The following SYTL1 variants were observed in gnomAD, a reference collection of about 807,000 sequenced individuals.
SYTL1 encodes the protein synaptotagmin-like protein 1.
Under a neutral mutation model 74.6 loss-of-function variants are expected in SYTL1, and 53 were observed. The observed-to-expected ratio is 0.71, with a 90% CI of 0.57 to 0.89. SYTL1 has a LOEUF of 0.89. Among genes scored for constraint, SYTL1 ranks in the 40% least tolerant of loss-of-function variants. The pLI is 0.00. For missense variants in SYTL1, 728 were observed against 768.7 expected (o/e 0.95, Z 0.63); for synonymous variants, 329 against 324.9 (o/e 1.01, Z -0.14).
At position 27,350,033 on chromosome 1, in the gene SYTL1, T is replaced by C. The variant is rs2148035222; in HGVS notation, c.809T>C (p.Val270Ala). ...GAGGCGGTGCAGGTCCGCGGCTCCG[T>C]GCACTTCGCGCTGCACTACGAGCCG... is the stretch of plus-strand genomic sequence containing the variant. ...DAEAVQVRGS[V>A]HFALHYEPGA... The change falls in exon 9 of 15, where the codon GTG becomes GCG. Residue 270 changes from valine to alanine, a missense_variant. Val to Ala is a moderately conservative substitution (Grantham distance 64). Transcript: ENST00000616558. The surrounding 1 kb of genome is among the most constrained non-coding windows in gnomAD (Gnocchi z 6.3). 1 of 1,544,818 alleles carries C rather than the reference T, an allele frequency of 6.5e-7. No individual in the cohort carries two copies. Among genetic ancestry groups the C allele is most frequent in the Non-Finnish European group, 8.7e-7 (1 of 1,155,056 alleles).
intron 14 of SYTL1, 100 bp from the exon 15 acceptor site, chr1:27,353,613 G>A (rs2015377901): frequency 6.4e-6 from 10 of 1,553,336 alleles, no homozygotes; most frequent in Middle Eastern, 2.3e-4. Flanking sequence ...ACTGAGGGTG[G>A]TAACGGGGGA....
chr1:27,353,385 T>C lies in SYTL1; in HGVS notation c.1446T>C (p.Phe482=), dbSNP rs199561820. ...VFNHTMVYDG[F]GPADLRQACA... ...ATCACACCATGGTGTACGATGGCTT[T>C]GGGCCTGCTGACCTGCGCCAGGCTT... The change falls in exon 14 of 15, where the codon TTT becomes TTC. Residue 482 remains phenylalanine, a synonymous_variant. Transcript: ENST00000616558. 4.3e-6 allele frequency: 7 copies of C among 1,611,558 alleles called. No homozygotes were observed. The highest frequency in any genetic ancestry group is 5.1e-6 in the Non-Finnish European group (6 of 1,179,302).
chr1:27,350,270 C>A lies in SYTL1; in HGVS notation c.909-119C>A. On this transcript the variant is annotated intron_variant, in intron 9 of 14. Transcript: ENST00000616558. The surrounding 1 kb of genome is among the most constrained non-coding windows in gnomAD (Gnocchi z 6.3). ...AGGCGTGCGATTAAGCGAGACAATC[C>A]CTGTAAAGCGCTTAGCACGAGGCCT... 1 of 1,484,192 alleles carries A rather than the reference C, an allele frequency of 6.7e-7. No individual in the cohort carries two copies. Among genetic ancestry groups the A allele is most frequent in the Non-Finnish European group, 9.4e-7 (1 of 1,064,856 alleles). 91.9% of individuals were successfully genotyped at this position (1,484,192 alleles called of 1,614,324 possible). A position where few individuals can be genotyped will look rare whatever the true frequency, so the allele number is the denominator to read the frequency against.
chr1:27,351,038 C>A lies in SYTL1; in HGVS notation c.1164+86C>A, dbSNP rs757328825. On this transcript the variant is annotated intron_variant, in intron 11 of 14. Transcript: ENST00000616558. The surrounding 1 kb of genome is among the most constrained non-coding windows in gnomAD (Gnocchi z 5.0). ...AGGCTCTCCCGCAGCCCCCTCACACCCCGCCTTCGACAGAACCTCCCCTCA... is the reference window on the plus strand; with the variant it reads ...AGGCTCTCCCGCAGCCCCCTCACACACCGCCTTCGACAGAACCTCCCCTCA... 115 of 1,504,484 alleles carry A rather than the reference C, an allele frequency of 7.6e-5. No homozygotes were observed. The highest frequency in any genetic ancestry group is 5.0e-5 in the Non-Finnish European group (55 of 1,105,660). 93.2% of individuals were successfully genotyped at this position (1,504,484 alleles called of 1,614,324 possible). A position where few individuals can be genotyped will look rare whatever the true frequency, so the allele number is the denominator to read the frequency against.
In SYTL1 at chr1:27,343,391, G is replaced by C. The variant is rs1487190496; in HGVS notation, c.-39+1241G>C. On this transcript the variant is annotated intron_variant, in intron 1 of 14. Transcript: ENST00000616558. This position sits in a 1 kb window ranked among gnomAD's most constrained non-coding sequence, Gnocchi z 5.2. ...CCTGTGGCTCCAGGCAACAGGGCAG[G>C]GCTGGCGGCGGGGGCATCCCTGGGT... is the stretch of plus-strand genomic sequence containing the variant. The C allele has an allele frequency of 6.6e-6, 1 of 152,496 alleles. No individual in the cohort carries two copies. The highest frequency in any genetic ancestry group is 1.9e-4 in the East Asian group (1 of 5,202). 9.4% of individuals were successfully genotyped at this position (152,496 alleles called of 1,614,324 possible).
intron 2 of SYTL1, among the ~76,000 whole-genome samples, chr1:27,346,084 T>C (rs2014990738): frequency 6.6e-6 from 1 of 152,012 alleles, no homozygotes; most frequent in Non-Finnish European, 1.5e-5. Flanking sequence ...CCTGGCCAGA[T>C]CCGTCCTTAA....
In SYTL1 at chr1:27,351,106, G is replaced by A. The variant is rs977578938; in HGVS notation, c.1165-152G>A. On this transcript the variant is annotated intron_variant, in intron 11 of 14. Coordinates refer to ENST00000616558, the MANE Select transcript of SYTL1 (RefSeq NM_001193308.2). The surrounding 1 kb of genome is among the most constrained non-coding windows in gnomAD (Gnocchi z 5.0). ...CCCCAGGCGAAGCCCGGCCGGCCAC[G>A]GCCCCTTCCCCGAGGGCGCTAGGAC... 178 of 1,319,572 alleles carry A rather than the reference G, an allele frequency of 1.3e-4. No homozygotes were observed. The highest frequency in any genetic ancestry group is 8.0e-4 in the Middle Eastern group (3 of 3,764). 81.7% of individuals were successfully genotyped at this position (1,319,572 alleles called of 1,614,324 possible). A position where few individuals can be genotyped will look rare whatever the true frequency, so the allele number is the denominator to read the frequency against.
chr1:27,350,617 C>T lies in SYTL1; in HGVS notation c.1005+132C>T, dbSNP rs2015224865. On this transcript the variant is annotated intron_variant, in intron 10 of 14. Transcript: ENST00000616558. This position sits in a 1 kb window ranked among gnomAD's most constrained non-coding sequence, Gnocchi z 6.3. Reference sequence around the variant, plus strand: ...CGGAGGGGGCCCATTAACTCGTTATCCAGTGTTGTCAGCCTCGTGGTGGGC... The same window carrying T: ...CGGAGGGGGCCCATTAACTCGTTATTCAGTGTTGTCAGCCTCGTGGTGGGC... The T allele has an allele frequency of 4.7e-6, 5 of 1,056,606 alleles. No homozygotes were observed. Among genetic ancestry groups the T allele is most frequent in the Non-Finnish European group, 6.9e-6 (5 of 723,298 alleles). The allele number at this position is 1,056,606 out of a possible 1,614,324, so 65.5% of individuals were successfully genotyped here.
Position 27,350,945 on chromosome 1 carries a change from A to G in SYTL1, c.1157A>G (p.Gln386Arg). The change falls in exon 11 of 15, where the codon CAG becomes CGG. Residue 386 changes from glutamine to arginine, a missense_variant. Transcript: ENST00000616558. The surrounding 1 kb of genome is among the most constrained non-coding windows in gnomAD (Gnocchi z 6.3). ...TCTGAGCCCACCTGGCTCCCCCTGC[A>G]GCCCCGGGTGAGGCAGCCAGGCCGC... ...WGSEPTWLPL[Q>R]PRVPPSPDDL... The G allele has an allele frequency of 6.2e-7, 1 of 1,612,884 alleles. No individual in the cohort carries two copies.
rs770618378 is a variant in SYTL1, at chr1:27,347,616, C to A, written c.340+47C>A. Reference sequence around the variant, plus strand: ...AGGGCAAGCCATGTGCCGTCCAGGGCGCTGGCTGTATGTGGACAGGGAGAG... The same window carrying A: ...AGGGCAAGCCATGTGCCGTCCAGGGAGCTGGCTGTATGTGGACAGGGAGAG... On this transcript the variant is annotated intron_variant, in intron 3 of 14. Coordinates refer to ENST00000616558, the MANE Select transcript of SYTL1 (RefSeq NM_001193308.2). This position sits in a 1 kb window ranked among gnomAD's most constrained non-coding sequence, Gnocchi z 4.9. The A allele has an allele frequency of 6.3e-7, 1 of 1,599,186 alleles. No individual in the cohort carries two copies.
chr1:27,350,575 A>C lies in SYTL1; in HGVS notation c.1005+90A>C, dbSNP rs41291092. The stretch of plus-strand genomic sequence containing the variant: ...GGTGGCAAGGGCAGCCAGTAACGTC[A>C]TTGCCCGGAGGATCGGCGGAGGGGG... On this transcript the variant is annotated intron_variant, in intron 10 of 14. Transcript: ENST00000616558. This position sits in a 1 kb window ranked among gnomAD's most constrained non-coding sequence, Gnocchi z 6.3. 0.024 allele frequency: 28,715 copies of C among 1,213,532 alleles called. 413 individuals carry two copies. Among genetic ancestry groups the C allele is most frequent in the Non-Finnish European group, 0.028 (23,642 of 846,412 alleles). 75.2% of individuals were successfully genotyped at this position (1,213,532 alleles called of 1,614,324 possible).
Position 27,350,971 on chromosome 1 carries a change from G to T in SYTL1, c.1164+19G>T, listed in dbSNP as rs1271441057. 2 of 1,611,874 alleles carry T rather than the reference G, an allele frequency of 1.2e-6. No individual in the cohort carries two copies. Among genetic ancestry groups the T allele is most frequent in the African/African-American group, 2.7e-5 (2 of 74,872 alleles). On this transcript the variant is annotated intron_variant, in intron 11 of 14. Coordinates refer to ENST00000616558, the MANE Select transcript of SYTL1 (RefSeq NM_001193308.2). This position sits in a 1 kb window ranked among gnomAD's most constrained non-coding sequence, Gnocchi z 6.3. ...GCCCCGGGTGAGGCAGCCAGGCCGC[G>T]TGGGGAGACCTGCGGCCCGGGTCTC... is the stretch of plus-strand genomic sequence containing the variant.
Position 27,350,601 on chromosome 1 carries a change from C to A in SYTL1, c.1005+116C>A. 1 of 1,075,902 alleles carries A rather than the reference C, an allele frequency of 9.3e-7. No homozygotes were observed. Among genetic ancestry groups the A allele is most frequent in the Non-Finnish European group, 1.4e-6 (1 of 738,088 alleles). 66.6% of individuals were successfully genotyped at this position (1,075,902 alleles called of 1,614,324 possible). A position where few individuals can be genotyped will look rare whatever the true frequency, so the allele number is the denominator to read the frequency against. Reference sequence around the variant, plus strand: ...TTGCCCGGAGGATCGGCGGAGGGGGCCCATTAACTCGTTATCCAGTGTTGT... The same window carrying A: ...TTGCCCGGAGGATCGGCGGAGGGGGACCATTAACTCGTTATCCAGTGTTGT... On this transcript the variant is annotated intron_variant, in intron 10 of 14. Coordinates refer to ENST00000616558, the MANE Select transcript of SYTL1 (RefSeq NM_001193308.2). The surrounding 1 kb of genome is among the most constrained non-coding windows in gnomAD (Gnocchi z 6.3).
rs753741206 is a variant in SYTL1, at chr1:27,349,546, C to T, written c.633+48C>T. On this transcript the variant is annotated intron_variant, in intron 7 of 14. Transcript: ENST00000616558. ...TGCTCTCAACATCCGGAGCGGACTC[C>T]GGGCGGGGAGCGCTCCTGCCCAGGG... 27 of 1,213,536 alleles carry T rather than the reference C, an allele frequency of 2.2e-5. No homozygotes were observed. In the African/African-American group the frequency reaches 3.9e-4, roughly 17 times the overall value. 75.2% of individuals were successfully genotyped at this position (1,213,536 alleles called of 1,614,324 possible). A position where few individuals can be genotyped will look rare whatever the true frequency, so the allele number is the denominator to read the frequency against.
chr1:27,349,931 C>T (rs2015179932), intron 8 of SYTL1, 41 bp from the exon 9 acceptor site: 1 of 1,561,464 alleles, frequency 6.4e-7, no homozygotes, highest in Non-Finnish European at 8.6e-7. Flanking sequence ...CCGACGTGAG[C>T]CCTGCGAGCG....
At position 27,351,058 on chromosome 1, in the gene SYTL1, C is replaced by T; in HGVS notation, c.1164+106C>T. 1 of 1,416,808 alleles carries T rather than the reference C, an allele frequency of 7.1e-7. No individual in the cohort carries two copies. Among genetic ancestry groups the T allele is most frequent in the Non-Finnish European group, 9.6e-7 (1 of 1,040,872 alleles). 87.8% of individuals were successfully genotyped at this position (1,416,808 alleles called of 1,614,324 possible). ...CACACCCCGCCTTCGACAGAACCTC[C>T]CCTCAACCTCTTAACCTCATGGCCC... On this transcript the variant is annotated intron_variant, in intron 11 of 14. Coordinates refer to ENST00000616558, the MANE Select transcript of SYTL1 (RefSeq NM_001193308.2). This position sits in a 1 kb window ranked among gnomAD's most constrained non-coding sequence, Gnocchi z 5.0.
At chr1:27,353,528 C>T in intron 14 of SYTL1, 40 bp downstream of exon 14, 1 of 1,565,216 alleles carries the variant, frequency 6.4e-7, no homozygotes, top group African/African-American at 1.3e-5. Context: ...CTGGGACAGG[C>T]CCTGGGAGAT....
At position 27,351,076 on chromosome 1, in the gene SYTL1, C is replaced by G; in HGVS notation, c.1164+124C>G. 1 of 1,367,390 alleles carries G rather than the reference C, an allele frequency of 7.3e-7. No homozygotes were observed. The highest frequency in any genetic ancestry group is 1.3e-5 in the South Asian group (1 of 75,248). 84.7% of individuals were successfully genotyped at this position (1,367,390 alleles called of 1,614,324 possible). A position where few individuals can be genotyped will look rare whatever the true frequency, so the allele number is the denominator to read the frequency against. On this transcript the variant is annotated intron_variant, in intron 11 of 14. Transcript: ENST00000616558. The surrounding 1 kb of genome is among the most constrained non-coding windows in gnomAD (Gnocchi z 5.0). ...GAACCTCCCCTCAACCTCTTAACCT[C>G]ATGGCCCCAGGCGAAGCCCGGCCGG...
Position 27,351,397 on chromosome 1 carries a change from C to T in SYTL1, c.1244-59C>T. On this transcript the variant is annotated intron_variant, in intron 12 of 14. Coordinates refer to ENST00000616558, the MANE Select transcript of SYTL1 (RefSeq NM_001193308.2). The surrounding 1 kb of genome is among the most constrained non-coding windows in gnomAD (Gnocchi z 5.0). ...CCTGAAAAGCGGGAGACTCCAGTCCCCGGGTTTGGGGGCGGTGGACTCCAT... is the reference window on the plus strand; with the variant it reads ...CCTGAAAAGCGGGAGACTCCAGTCCTCGGGTTTGGGGGCGGTGGACTCCAT... 1 of 1,507,830 alleles carries T rather than the reference C, an allele frequency of 6.6e-7. No homozygotes were observed. Among genetic ancestry groups the T allele is most frequent in the Non-Finnish European group, 8.9e-7 (1 of 1,123,016 alleles). The allele number at this position is 1,507,830 out of a possible 1,614,324, so 93.4% of individuals were successfully genotyped here. A position where few individuals can be genotyped will look rare whatever the true frequency, so the allele number is the denominator to read the frequency against.
Sources: gnomAD v4.1 joint callset for allele counts (sites outside exome capture counted in the v4.1 genomes callset) on GRCh38, gnomAD v4.1.1 for gene constraint, Gnocchi (gnomAD v3.1) non-coding constraint, MANE v1.5 for transcripts, NCBI Gene and HGNC (gene_info 2026-07-23, HGNC 2026-07-21) for gene names.